The following CD226 variants were observed in gnomAD, a reference collection of about 807,000 sequenced individuals.
CD226 encodes CD226 antigen.
Under a neutral mutation model 34.9 loss-of-function variants are expected in CD226, and 24 were observed. The ratio of observed to expected loss-of-function variants is 0.69; its 90% confidence interval spans 0.50 to 0.97. The LOEUF (loss-of-function observed/expected upper bound fraction) is 0.97. Ranked by LOEUF, CD226 falls within the 50% of genes least tolerant of loss-of-function variation. The pLI, the probability that CD226 is intolerant of heterozygous loss-of-function variation, is 0.00. For missense variants in CD226, 397 were observed against 412.7 expected (o/e 0.96, Z 0.33); for synonymous variants, 148 against 147.4 (o/e 1.00, Z -0.03).
chr18:69,945,362 A>G (rs76295086), intron 2 of CD226, among the ~76,000 whole-genome samples: 5,293 of 152,296 alleles, frequency 0.035, 324 homozygotes, highest in African/African-American at 0.12. Context: ...CACCAGGTTG[A>G]TGGAAAGTGA....
intron 2 of CD226, among the ~76,000 whole-genome samples, chr18:69,921,795 T>A (rs2145310847): frequency 6.6e-6 from 1 of 152,372 alleles, no homozygotes; most frequent in Admixed American, 6.5e-5. Context: ...TATTCTTTAT[T>A]CTTAGTCTTA....
intron 1 of CD226, among the ~76,000 whole-genome samples, chr18:69,954,206 C>T (rs2055877721): frequency 6.6e-6 from 1 of 152,048 alleles, no homozygotes; most frequent in Admixed American, 6.6e-5. Context: ...CCACCCCGGT[C>T]CAAAGATGCC....
chr18:69,925,529 T>C (rs951652083), intron 2 of CD226, among the ~76,000 whole-genome samples: 11 of 152,156 alleles, frequency 7.2e-5, no homozygotes, highest in Non-Finnish European at 1.3e-4. Context: ...CTCTCCCCAC[T>C]GTTCAGAAAC....
intron 2 of CD226, among the ~76,000 whole-genome samples, chr18:69,926,700 T>G (rs537165901): frequency 2.6e-5 from 4 of 152,342 alleles, no homozygotes; most frequent in South Asian, 2.1e-4. Flanking sequence ...GCAACTTCCA[T>G]GTGCCAAGTA....
chr18:69,893,505 C>T (rs185292194), intron 3 of CD226, among the ~76,000 whole-genome samples: 20 of 152,290 alleles, frequency 1.3e-4, no homozygotes, highest in African/African-American at 3.4e-4. Flanking sequence ...AAATCTTATA[C>T]GTGTTTGAAA....
intron 2 of CD226, among the ~76,000 whole-genome samples, chr18:69,914,417 A>T (rs1599004282): frequency 6.6e-6 from 1 of 152,196 alleles, no homozygotes; most frequent in East Asian, 1.9e-4. Flanking sequence ...CCAAGAGGAG[A>T]ATATTTATTT....
chr18:69,882,370 A>G (rs7237611), intron 3 of CD226, among the ~76,000 whole-genome samples: 36,291 of 152,196 alleles, frequency 0.24, 5,104 homozygotes, highest in Middle Eastern at 0.41. Flanking sequence ...TTTTACCTAC[A>G]CAATATAGAA....
rs1889132413 is a variant in CD226 at position 69,855,228 on chromosome 18, A to G, written c.*9086T>C. 1 of 152,224 alleles carries G rather than the reference A, an allele frequency of 6.6e-6. No homozygotes were observed. The highest frequency in any genetic ancestry group is 1.5e-5 in the Non-Finnish European group (1 of 68,030). The allele number at this position is 152,224 out of a possible 1,614,324, so 9.4% of individuals were successfully genotyped here. On this transcript the variant is annotated 3_prime_UTR_variant, in exon 6 of 6. Coordinates refer to ENST00000582621, the MANE Select transcript of CD226 (RefSeq NM_001303618.2). ...ACATGACACGTGTCAGAATTATCAG[A>G]CATGGAACTTATCATTAATATGTTA... is the stretch of plus-strand genomic sequence containing the variant.
At chr18:69,958,501 A>C (rs141639866), upstream of CD226, among the ~76,000 whole-genome samples, 1,878 of 152,292 alleles carry the variant, frequency 0.012, 23 homozygotes, top group South Asian at 0.037. Context: ...ACACACCCAA[A>C]GACAAGTTTT....
In CD226 at chr18:69,856,423, A is replaced by T. The variant is rs981859237; in HGVS notation, c.*7891T>A. ...TCAAGAAGAGGGAAAATCAGAAAGG[A>T]TATAGATAATCTGAACGGTGGTATC... On this transcript the variant is annotated 3_prime_UTR_variant, in exon 6 of 6. Coordinates refer to ENST00000582621, the MANE Select transcript of CD226 (RefSeq NM_001303618.2). The T allele has an allele frequency of 6.6e-6, 1 of 152,210 alleles. No homozygotes were observed. The highest frequency in any genetic ancestry group is 1.5e-5 in the Non-Finnish European group (1 of 68,020). The allele number at this position is 152,210 out of a possible 1,614,324, so 9.4% of individuals were successfully genotyped here.
chr18:69,901,661 C>T (rs1397802013), intron 2 of CD226, among the ~76,000 whole-genome samples: 3 of 151,810 alleles, frequency 2.0e-5, no homozygotes, highest in Admixed American at 6.6e-5. Flanking sequence ...AGGCAGATCA[C>T]GAGGTCAGGA....
chr18:69,877,178 C>CTTCGGACCAATGGGCCTCAAGCTGGGG (rs1258792449), intron 3 of CD226, among the ~76,000 whole-genome samples: 2 of 152,158 alleles, frequency 1.3e-5, no homozygotes, highest in African/African-American at 4.8e-5. Context: ...GCCTCTAGAA[C>CTTCGGACCAATGGGCCTCAAGCTGGGG]TTCGGACCAA....
intron 2 of CD226, among the ~76,000 whole-genome samples, chr18:69,929,791 G>A (rs2055567044): frequency 1.3e-5 from 2 of 152,118 alleles, no homozygotes; most frequent in Admixed American, 6.6e-5. Flanking sequence ...CATCTACTCA[G>A]GATCCCAAGT....
At chr18:69,881,172 AAAATT>A (rs796395033) in intron 3 of CD226, among the ~76,000 whole-genome samples, 5 of 152,348 alleles carry the variant, frequency 3.3e-5, no homozygotes, top group Admixed American at 1.3e-4. Context: ...CAACTAAAAT[AAAATT>A]AACTTTTTTT....
intron 4 of CD226, among the ~76,000 whole-genome samples, chr18:69,869,271 A>G (rs1263356234): frequency 6.6e-6 from 1 of 152,236 alleles, no homozygotes; most frequent in Non-Finnish European, 1.5e-5. Flanking sequence ...CGTCAATGAT[A>G]GACTGGATAA....
At chr18:69,920,552 C>T (rs181720742) in intron 2 of CD226, among the ~76,000 whole-genome samples, 3 of 152,232 alleles carry the variant, frequency 2.0e-5, no homozygotes, top group Non-Finnish European at 4.4e-5. Context: ...CCCAGTAGTA[C>T]TTACAATTAC....
At chr18:69,885,489 G>A (rs796999863) in intron 3 of CD226, among the ~76,000 whole-genome samples, 3 of 152,042 alleles carry the variant, frequency 2.0e-5, no homozygotes, top group East Asian at 3.9e-4. Context: ...AAGGAAGGGC[G>A]TGCTTGGGAA....
chr18:69,921,308 G>A (rs568280130), intron 2 of CD226, among the ~76,000 whole-genome samples: 12 of 152,038 alleles, frequency 7.9e-5, no homozygotes, highest in South Asian at 2.1e-4. Flanking sequence ...TCCATGCCCC[G>A]TGCAGGTTGT....
rs1174393967 is a variant in CD226, at chr18:69,862,525, T to TAATAAA, written c.*1783_*1788dup. The TAATAAA allele has an allele frequency of 6.6e-6, 1 of 152,118 alleles. No homozygotes were observed. Among genetic ancestry groups the TAATAAA allele is most frequent in the African/African-American group, 2.4e-5 (1 of 41,442 alleles). The allele number at this position is 152,118 out of a possible 1,614,324, so 9.4% of individuals were successfully genotyped here. Reference sequence around the variant, plus strand: ...GTATAAAAAGATCTTTAAGCAAACATAATAAAAATGAGAGTTTACCCTTCT... The same window carrying TAATAAA: ...GTATAAAAAGATCTTTAAGCAAACATAATAAAAATAAAAATGAGAGTTTACCCTTCT... On this transcript the variant is annotated 3_prime_UTR_variant, in exon 6 of 6. Transcript: ENST00000582621.
Sources: allele counts gnomAD v4.1 joint callset (sites outside exome capture counted in the v4.1 genomes callset), GRCh38; gene constraint gnomAD v4.1.1; transcripts MANE v1.5; gene names NCBI Gene and HGNC (gene_info 2026-07-23, HGNC 2026-07-21).